PCLO: variants seen among roughly 807,000 people sequenced by gnomAD.
PCLO encodes the protein protein piccolo.
A neutral mutation model predicts 427.5 loss-of-function variants in PCLO; 82 were observed. The observed-to-expected ratio is 0.19, with a 90% CI of 0.16 to 0.23. The LOEUF (loss-of-function observed/expected upper bound fraction) is 0.23. Ranked by LOEUF, PCLO falls within the 10% of genes least tolerant of loss-of-function variation. PCLO has a pLI of 1.00. For synonymous variants in PCLO, 2,357 were observed against 2,155.4 expected (o/e 1.09, Z -2.59); for missense variants, 6,239 against 6,115.9 (o/e 1.02, Z -0.67).
Position 83,134,625 on chromosome 7 carries a change from A to C in PCLO, c.2925T>G (p.Thr975=). Residue 975 remains threonine (T), a synonymous_variant, in exon 3 of 25, where the codon ACT becomes ACG. Transcript: ENST00000333891. ...CTGTGGATTTGGGTGGCCCTTGTGA[A>C]GTAGGTGGCTGTGAAGGGGCAGGGG... ...KQAPAPSQPP[T]SQGPPKSTGQ... is the part of the protein sequence containing the mutation. 2.5e-6 allele frequency: 4 copies of C among 1,613,816 alleles called. No homozygotes were observed. Among genetic ancestry groups the C allele is most frequent in the Non-Finnish European group, 1.7e-6 (2 of 1,179,844 alleles).
intron 10 of PCLO, among the ~76,000 whole-genome samples, chr7:82,875,134 A>G (rs1474659663): frequency 1.3e-5 from 2 of 152,170 alleles, no homozygotes; most frequent in Non-Finnish European, 2.9e-5. Context: ...TTACTGGAAA[A>G]TAAATGTTAA....
intron 22 of PCLO, among the ~76,000 whole-genome samples, chr7:82,793,908 T>A (rs1791160281): frequency 2.0e-5 from 3 of 152,184 alleles, no homozygotes; most frequent in Non-Finnish European, 2.9e-5. Context: ...CTTCCTGAGA[T>A]AGGTAGCATG....
At chr7:82,885,038 G>C (rs1380953101) in intron 9 of PCLO, among the ~76,000 whole-genome samples, 1 of 152,078 alleles carries the variant, frequency 6.6e-6, no homozygotes, top group Admixed American at 6.6e-5. Flanking sequence ...ACTCTATCAT[G>C]ATTTCCAATG....
At chr7:83,074,441 C>A (rs1789900388) in intron 3 of PCLO, among the ~76,000 whole-genome samples, 1 of 151,812 alleles carries the variant, frequency 6.6e-6, no homozygotes, top group South Asian at 2.1e-4. Context: ...TAGTGAGGCC[C>A]AATTATGTAA....
At chr7:83,133,861 A>C (rs1420647766) in intron 3 of PCLO, among the ~76,000 whole-genome samples, 1 of 151,922 alleles carries the variant, frequency 6.6e-6, no homozygotes, top group Non-Finnish European at 1.5e-5. Flanking sequence ...TAAAATATTA[A>C]AACCTTTTAT....
At chr7:82,939,890 T>C (rs554499328) in intron 6 of PCLO, among the ~76,000 whole-genome samples, 3 of 151,966 alleles carry the variant, frequency 2.0e-5, no homozygotes, top group Admixed American at 6.6e-5. Context: ...ACTGCAGAAA[T>C]ATTTAGTTCT....
At chr7:83,057,329 TATATATATATATATATA>T (rs1789409484) in intron 3 of PCLO, among the ~76,000 whole-genome samples, 8 of 16,142 alleles carry the variant, frequency 5.0e-4, no homozygotes, top group Non-Finnish European at 5.3e-4. Flanking sequence ...TATATATATA[TATATATATATATATATA>T]TATTTTTTTT....
At chr7:82,792,766 G>A (rs1382542398) in intron 22 of PCLO, among the ~76,000 whole-genome samples, 1 of 151,920 alleles carries the variant, frequency 6.6e-6, no homozygotes, top group African/African-American at 2.4e-5. Context: ...TCTGTTTCCT[G>A]GGTTCTTTAC....
intron 3 of PCLO, among the ~76,000 whole-genome samples, chr7:82,970,993 C>G (rs954152531): frequency 6.6e-6 from 1 of 151,872 alleles, no homozygotes; most frequent in Middle Eastern, 3.4e-3. Flanking sequence ...CTGTAGGTCA[C>G]AATTTTTTTT....
intron 9 of PCLO, among the ~76,000 whole-genome samples, chr7:82,891,875 C>A (rs1024625823): frequency 6.6e-6 from 1 of 151,976 alleles, no homozygotes; most frequent in Admixed American, 6.6e-5. Context: ...TGTGAAGGAC[C>A]TCTTCAAGAA....
At chr7:83,104,106 G>A (rs2116497195) in intron 3 of PCLO, among the ~76,000 whole-genome samples, 1 of 148,096 alleles carries the variant, frequency 6.8e-6, no homozygotes, top group African/African-American at 2.5e-5. Flanking sequence ...AACAGTGCAG[G>A]AAATCTGAAA....
At chr7:83,090,394 T>C (rs73170035) in intron 3 of PCLO, among the ~76,000 whole-genome samples, 8,241 of 152,186 alleles carry the variant, frequency 0.054, 352 homozygotes, top group African/African-American at 0.1. Context: ...TTAAGTCCTC[T>C]CAAATAATTG....
At chr7:82,847,980 T>C (rs1249919913) in intron 10 of PCLO, among the ~76,000 whole-genome samples, 1 of 152,162 alleles carries the variant, frequency 6.6e-6, no homozygotes, top group East Asian at 1.9e-4. Flanking sequence ...TTGTAAATTA[T>C]GTAGCTGGCC....
At chr7:82,887,957 T>C (rs58043442) in intron 9 of PCLO, among the ~76,000 whole-genome samples, 89,480 of 151,640 alleles carry the variant, frequency 0.59, 27,509 homozygotes, top group East Asian at 0.82. Flanking sequence ...GTAATCCCAC[T>C]TATTCGGGAG....
intron 22 of PCLO, among the ~76,000 whole-genome samples, chr7:82,800,079 A>G (rs909850429): frequency 1.2e-4 from 19 of 152,188 alleles, no homozygotes; most frequent in African/African-American, 4.6e-4. Context: ...TACGGTAGGT[A>G]AAAAGATTGG....
chr7:83,054,627 C>A (rs938948334), intron 3 of PCLO, among the ~76,000 whole-genome samples: 3 of 151,996 alleles, frequency 2.0e-5, no homozygotes, highest in Admixed American at 6.6e-5. Context: ...GGCTGAACAA[C>A]AATCCTCCCT....
chr7:83,031,843 T>C (rs1205313249), intron 3 of PCLO, among the ~76,000 whole-genome samples: 1 of 150,156 alleles, frequency 6.7e-6, no homozygotes, highest in African/African-American at 2.4e-5. Context: ...TCAAAGATAA[T>C]CACTAACATT....
chr7:83,030,093 C>A (rs1406368081), intron 3 of PCLO, among the ~76,000 whole-genome samples: 1 of 137,390 alleles, frequency 7.3e-6, no homozygotes. Flanking sequence ...CACATGTACC[C>A]TAAAACTTAA....
intron 3 of PCLO, among the ~76,000 whole-genome samples, chr7:83,121,225 G>C (rs1022866035): frequency 6.6e-6 from 1 of 152,108 alleles, no homozygotes; most frequent in African/African-American, 2.4e-5. Flanking sequence ...TGGGGAGGGA[G>C]TGGAAGAAGT....
Sources: gnomAD v4.1 joint callset for allele counts (sites outside exome capture counted in the v4.1 genomes callset) on GRCh38, gnomAD v4.1.1 for gene constraint, MANE v1.5 for transcripts, NCBI Gene and HGNC (gene_info 2026-07-23, HGNC 2026-07-21) for gene names.